Variants in BEAN1 observed in about 807,000 individuals in gnomAD.
BEAN1 encodes the protein protein BEAN1.
A neutral mutation model predicts 17.7 loss-of-function variants in BEAN1; 17 were observed. The observed-to-expected ratio is 0.96, with a 90% confidence interval of 0.66 to 1.44. The LOEUF (loss-of-function observed/expected upper bound fraction) is 1.44, where lower values mean the gene tolerates loss of function less well. BEAN1 is among the 40% of genes most tolerant of loss of function. The pLI is 0.00. For missense variants in BEAN1, 359 were observed against 374.1 expected (o/e 0.96, Z 0.33); for synonymous variants, 142 against 151.8 (o/e 0.94, Z 0.47).
chr16:66,460,608 T>G (rs554018187), intron 2 of BEAN1, among the ~76,000 whole-genome samples: 1 of 152,204 alleles, frequency 6.6e-6, no homozygotes, highest in Non-Finnish European at 1.5e-5. Flanking sequence ...CTTATGGCAA[T>G]GTTCAGCTGT....
intron 2 of BEAN1, among the ~76,000 whole-genome samples, chr16:66,444,191 T>C (rs928894839): frequency 1.4e-4 from 21 of 152,180 alleles, no homozygotes; most frequent in African/African-American, 4.8e-4. Flanking sequence ...GCTCTTCCCC[T>C]GTGTCCACCA....
At chr16:66,466,602 G>A (rs1250955673) in intron 2 of BEAN1, among the ~76,000 whole-genome samples, 1 of 152,152 alleles carries the variant, frequency 6.6e-6, no homozygotes. Flanking sequence ...TTTTGCTCTT[G>A]TTGCCCAGGC....
rs186174213 is a variant in BEAN1 at position 66,477,514 on chromosome 16, C to G, written c.290-46C>G. 1.8e-4 allele frequency: 262 copies of G among 1,481,748 alleles called. No individual in the cohort carries two copies. In the African/African-American group the frequency reaches 3.5e-3, roughly 20 times the overall value. The allele number at this position is 1,481,748 out of a possible 1,614,324, so 91.8% of individuals were successfully genotyped here. Reference sequence around the variant, plus strand: ...GACCTACAGACCCATAAGGACCATCCCTGGATCCTGGTCTGAGGCCCAGGC... The same window carrying G: ...GACCTACAGACCCATAAGGACCATCGCTGGATCCTGGTCTGAGGCCCAGGC... On this transcript the variant is annotated intron_variant, in intron 3 of 4. Transcript: ENST00000536005.
chr16:66,459,423 G>A (rs1342944655), intron 2 of BEAN1, among the ~76,000 whole-genome samples: 1 of 152,028 alleles, frequency 6.6e-6, no homozygotes, highest in Non-Finnish European at 1.5e-5. Flanking sequence ...GGGTTCAAGC[G>A]ATTCTCCTGC....
At chr16:66,453,372 GT>G (rs1175265722) in intron 2 of BEAN1, among the ~76,000 whole-genome samples, 1 of 147,088 alleles carries the variant, frequency 6.8e-6, no homozygotes, top group East Asian at 2.0e-4. Context: ...CACACACATT[GT>G]TTTGTTTTCT....
chr16:66,441,555 C>A (rs549531581), intron 2 of BEAN1, among the ~76,000 whole-genome samples: 27 of 152,166 alleles, frequency 1.8e-4, no homozygotes, highest in Non-Finnish European at 3.4e-4. Context: ...CACCCTGTTC[C>A]CATTTGGGCT....
chr16:66,490,464 A>AAATAAAATAAAATAAAATAAAATAAAAT (rs1289526958), intron 4 of BEAN1, among the ~76,000 whole-genome samples: 1 of 123,216 alleles, frequency 8.1e-6, no homozygotes, highest in Non-Finnish European at 1.6e-5. Context: ...TAATAAAATA[A>AAATAAAATAAAATAAAATAAAATAAAAT]AAAGAAACCT....
chr16:66,437,890 A>G, intron 2 of BEAN1, 189 bp downstream of exon 2: 1 of 762,094 alleles, frequency 1.3e-6, no homozygotes. Flanking sequence ...ATGCTCCCTG[A>G]GAACTGAAAA....
Position 66,481,800 on chromosome 16 carries a change from C to G in BEAN1, c.*875C>G, listed in dbSNP as rs1371599512. The G allele has an allele frequency of 6.6e-6, 1 of 152,584 alleles. No homozygotes were observed. Among genetic ancestry groups the G allele is most frequent in the Non-Finnish European group, 1.5e-5 (1 of 68,346 alleles). The allele number at this position is 152,584 out of a possible 1,614,324, so 9.5% of individuals were successfully genotyped here. A position where few individuals can be genotyped will look rare whatever the true frequency, so the allele number is the denominator to read the frequency against. ...GCTTCACCACAGTGCTGCCTGGGCA[C>G]CTCTCTGAGGCAGAGAAGTGGCCCC... On this transcript the variant is annotated 3_prime_UTR_variant, in exon 5 of 5. Transcript: ENST00000536005. The surrounding 1 kb of genome is among the most constrained non-coding windows in gnomAD (Gnocchi z 4.1).
At chr16:66,490,171 A>T (rs969590338) in intron 4 of BEAN1, among the ~76,000 whole-genome samples, 1 of 144,298 alleles carries the variant, frequency 6.9e-6, no homozygotes, top group African/African-American at 2.6e-5. Flanking sequence ...ACCTCAGGTC[A>T]GGAGTTTGAG....
chr16:66,480,964 T>C lies in BEAN1; in HGVS notation c.*39T>C. 7.3e-7 allele frequency: 1 copy of C among 1,376,060 alleles called. No homozygotes were observed. Among genetic ancestry groups the C allele is most frequent in the Non-Finnish European group, 9.6e-7 (1 of 1,039,562 alleles). The allele number at this position is 1,376,060 out of a possible 1,614,324, so 85.2% of individuals were successfully genotyped here. ...CCGGGTCCTGCTGGTCCCTACAGGC[T>C]GAACCACATTCTTTAGGCACACAAA... On this transcript the variant is annotated 3_prime_UTR_variant, in exon 5 of 5. Transcript: ENST00000536005.
chr16:66,456,836 C>G (rs1022730227), intron 2 of BEAN1, among the ~76,000 whole-genome samples: 2 of 152,210 alleles, frequency 1.3e-5, no homozygotes, highest in Non-Finnish European at 2.9e-5. Flanking sequence ...ATGTGCGTTA[C>G]TCTTAGTGAG....
At chr16:66,449,133 G>C (rs1214271886) in intron 2 of BEAN1, among the ~76,000 whole-genome samples, 1 of 152,112 alleles carries the variant, frequency 6.6e-6, no homozygotes, top group Non-Finnish European at 1.5e-5. Flanking sequence ...AATTAGTTTT[G>C]CTTATTTTTG....
At chr16:66,455,219 T>C (rs1428850720) in intron 2 of BEAN1, among the ~76,000 whole-genome samples, 2 of 152,224 alleles carry the variant, frequency 1.3e-5, no homozygotes, top group African/African-American at 2.4e-5. Flanking sequence ...TCTTAAACAC[T>C]GCATTTACCA....
downstream of BEAN1, chr16:66,483,472 A>G (rs1023736714): frequency 2.4e-4 from 37 of 152,818 alleles, no homozygotes; most frequent in African/African-American, 7.0e-4. Flanking sequence ...GGCTTGTACC[A>G]CCAGGAAAGA....
chr16:66,432,707 T>C (rs1371001985), intron 1 of BEAN1, among the ~76,000 whole-genome samples: 1 of 152,196 alleles, frequency 6.6e-6, no homozygotes. Flanking sequence ...GGAATCACCT[T>C]ACACTCCTCC....
chr16:66,477,797 A>AC, intron 4 of BEAN1, 87 bp downstream of exon 4: 3 of 1,353,724 alleles, frequency 2.2e-6, no homozygotes, highest in Non-Finnish European at 2.9e-6. Flanking sequence ...AAAGAGTGGC[A>AC]CCTCTGCATG....
At chr16:66,461,969 C>T (rs551451734) in intron 2 of BEAN1, among the ~76,000 whole-genome samples, 10 of 152,298 alleles carry the variant, frequency 6.6e-5, no homozygotes, top group Non-Finnish European at 1.0e-4. Context: ...GCCAAAAGCT[C>T]CATTTCATAA....
intron 3 of BEAN1, 100 bp downstream of exon 3, chr16:66,469,965 G>A (rs962558659): frequency 1.2e-5 from 17 of 1,436,640 alleles, no homozygotes; most frequent in African/African-American, 2.9e-5. Flanking sequence ...GGTGGAGCAG[G>A]GTGGTCGGGA....
Sources: gnomAD v4.1 joint callset for allele counts (sites outside exome capture counted in the v4.1 genomes callset) on GRCh38, gnomAD v4.1.1 for gene constraint, Gnocchi (gnomAD v3.1) non-coding constraint, MANE v1.5 for transcripts, NCBI Gene and HGNC (gene_info 2026-07-23, HGNC 2026-07-21) for gene names.